XKR4: variants seen among roughly 807,000 people sequenced by gnomAD.
XKR4 encodes XK-related protein 4.
XKR4 carries 12 observed loss-of-function variants against 53.9 expected under a neutral mutation model. The observed-to-expected ratio is 0.22, with a 90% CI of 0.14 to 0.36. The LOEUF (loss-of-function observed/expected upper bound fraction) is 0.36, where lower values mean the gene tolerates loss of function less well. Among genes scored for constraint, XKR4 ranks in the 10% least tolerant of loss-of-function variants. The probability of loss-of-function intolerance (pLI) is 1.00; values close to 1 mark genes in which losing one functional copy is unlikely to be tolerated. For synonymous variants in XKR4, 354 were observed against 362.4 expected, an observed-to-expected ratio of 0.98 and a Z score of 0.26; for missense variants, 799 against 859.5, an observed-to-expected ratio of 0.93 and a Z score of 0.88.
intron 1 of XKR4, among the ~76,000 whole-genome samples, chr8:55,200,304 G>A (rs1254413953): frequency 1.3e-5 from 2 of 152,178 alleles, no homozygotes; most frequent in African/African-American, 4.8e-5. Flanking sequence ...CTGACTTCAC[G>A]TGATCCACCT....
intron 2 of XKR4, among the ~76,000 whole-genome samples, chr8:55,477,283 C>T (rs1452148149): frequency 6.6e-6 from 1 of 152,118 alleles, no homozygotes; most frequent in Non-Finnish European, 1.5e-5. Flanking sequence ...ACTGCTGATA[C>T]CCAGGCAAAC....
chr8:55,152,627 C>T (rs1243307840), intron 1 of XKR4, among the ~76,000 whole-genome samples: 2 of 151,880 alleles, frequency 1.3e-5, no homozygotes, highest in Non-Finnish European at 2.9e-5. Context: ...AGCAATGGTA[C>T]TCATCCAAAC....
chr8:55,266,261 A>G (rs989160027), intron 1 of XKR4, among the ~76,000 whole-genome samples: 9 of 151,778 alleles, frequency 5.9e-5, no homozygotes, highest in Non-Finnish European at 1.0e-4. Context: ...AGCGCAGTAC[A>G]GTGGGGCTTT....
chr8:55,331,450 G>T (rs1176394405), intron 1 of XKR4, among the ~76,000 whole-genome samples: 1 of 152,122 alleles, frequency 6.6e-6, no homozygotes, highest in Non-Finnish European at 1.5e-5. Context: ...GAGTTCAATA[G>T]ATGTATTTCA....
At chr8:55,164,621 A>G (rs1354281042) in intron 1 of XKR4, 2 of 328,828 alleles carry the variant, frequency 6.1e-6, no homozygotes. Flanking sequence ...AAGAAAGGAG[A>G]AAGGACAGCA....
rs1806927855 is a variant in XKR4 at position 55,530,135 on chromosome 8, G to A, written c.*5908G>A. Reference sequence around the variant, plus strand: ...AAAGAAAGAGGGAGGGAGAGAGGGAGGGAAGGAAGAAGGAAGGAAGGAAGG... The same window carrying A: ...AAAGAAAGAGGGAGGGAGAGAGGGAAGGAAGGAAGAAGGAAGGAAGGAAGG... On this transcript the variant is annotated 3_prime_UTR_variant, in exon 3 of 3. Coordinates refer to ENST00000327381, the MANE Select transcript of XKR4 (RefSeq NM_052898.2). 6.7e-6 allele frequency: 1 copy of A among 148,396 alleles called. No homozygotes were observed. Among genetic ancestry groups the A allele is most frequent in the Non-Finnish European group, 1.5e-5 (1 of 67,250 alleles). The allele number at this position is 148,396 out of a possible 1,614,324, so 9.2% of individuals were successfully genotyped here. A position where few individuals can be genotyped will look rare whatever the true frequency, so the allele number is the denominator to read the frequency against.
intron 2 of XKR4, among the ~76,000 whole-genome samples, chr8:55,390,996 A>C (rs1804436497): frequency 6.6e-6 from 1 of 152,236 alleles, no homozygotes. Context: ...GGAATCAAAA[A>C]CTTTTACAAC....
chr8:55,129,119 G>A (rs186760149), intron 1 of XKR4, among the ~76,000 whole-genome samples: 119 of 152,316 alleles, frequency 7.8e-4, no homozygotes, highest in African/African-American at 2.7e-3. Context: ...TTTTCATAAA[G>A]TTTTTGAGAC....
chr8:55,513,337 T>C (rs1297499432), intron 2 of XKR4, among the ~76,000 whole-genome samples: 1 of 152,212 alleles, frequency 6.6e-6, no homozygotes, highest in Admixed American at 6.5e-5. Context: ...TTCACATGCA[T>C]GGCAGACTAC....
Position 55,523,404 on chromosome 8 carries a change from G to T in XKR4, c.1130G>T (p.Cys377Phe). Residue 377 changes from cysteine to phenylalanine, a missense_variant, in exon 3 of 3, where the codon TGC becomes TTC. This residue lies in a region of XKR4 where 54 missense variants were observed against 89.7 expected (regional missense o/e 0.60). Transcript: ENST00000327381. ...TACATGGCCGTCATCATCCAGTTCT[G>T]CTGGCACTTCTTCACCATCGCCGCC... is the stretch of plus-strand genomic sequence containing the variant. Reference protein sequence around the residue: ...ISYMAVIIQFCWHFFTIAARV... With the variant: ...ISYMAVIIQFFWHFFTIAARV... 1 of 1,614,216 alleles carries T rather than the reference G, an allele frequency of 6.2e-7. No individual in the cohort carries two copies. Among genetic ancestry groups the T allele is most frequent in the Non-Finnish European group, 8.5e-7 (1 of 1,180,044 alleles).
intron 1 of XKR4, among the ~76,000 whole-genome samples, chr8:55,205,806 C>A (rs887327528): frequency 6.6e-6 from 1 of 152,124 alleles, no homozygotes; most frequent in Non-Finnish European, 1.5e-5. Context: ...TGGTTCCCTC[C>A]GGTGGGTTCT....
rs551232014 is a variant in XKR4, at chr8:55,155,430, T to G, written c.806+52136T>G. Among the ~76,000 whole-genome samples, 6 of 151,968 alleles carry G rather than the reference T, an allele frequency of 3.9e-5. 1 individual carries two copies. The South Asian group carries it at 1.2e-3, about 32-fold the overall frequency. On this transcript the variant is annotated intron_variant, in intron 1 of 2. Coordinates refer to ENST00000327381, the MANE Select transcript of XKR4 (RefSeq NM_052898.2). ...AATAACATAATATGGGAGTAGAAGATTTCAAAATAGATATACATTTTAAAA... is the reference window on the plus strand; with the variant it reads ...AATAACATAATATGGGAGTAGAAGAGTTCAAAATAGATATACATTTTAAAA...
chr8:55,346,734 G>A (rs1803651076), intron 1 of XKR4, among the ~76,000 whole-genome samples: 1 of 107,650 alleles, frequency 9.3e-6, no homozygotes, highest in Non-Finnish European at 1.9e-5. Context: ...TGTTTAGAAA[G>A]CTTTGTAGCC....
chr8:55,265,569 G>C (rs1050637904), intron 1 of XKR4, among the ~76,000 whole-genome samples: 1 of 152,166 alleles, frequency 6.6e-6, no homozygotes, highest in Admixed American at 6.5e-5. Flanking sequence ...AAGAAAGGGA[G>C]GGGGCTGGGC....
At chr8:55,427,369 A>G (rs1422967459) in intron 2 of XKR4, among the ~76,000 whole-genome samples, 1 of 152,108 alleles carries the variant, frequency 6.6e-6, no homozygotes, top group African/African-American at 2.4e-5. Flanking sequence ...ATTGAAACCA[A>G]TTCTTTAAAA....
Position 55,483,167 on chromosome 8 carries a change from A to G in XKR4, c.1007-40114A>G, listed in dbSNP as rs138053358. On this transcript the variant is annotated intron_variant, in intron 2 of 2. Transcript: ENST00000327381. ...ATAATTAGGAACCCGGATTCCAGACATTAATCTGATCAATTTTTTCAGACC... is the reference window on the plus strand; with the variant it reads ...ATAATTAGGAACCCGGATTCCAGACGTTAATCTGATCAATTTTTTCAGACC... Among the ~76,000 whole-genome samples the G allele has an allele frequency of 5.9e-3, 903 of 152,280 alleles. 9 individuals carry two copies. Among genetic ancestry groups the G allele is most frequent in the African/African-American group, 0.02 (842 of 41,562 alleles).
At chr8:55,372,435 A>G (rs1804081303) in intron 2 of XKR4, among the ~76,000 whole-genome samples, 1 of 152,244 alleles carries the variant, frequency 6.6e-6, no homozygotes, top group Non-Finnish European at 1.5e-5. Flanking sequence ...ACTAAAAATA[A>G]CCATGTGAAT....
At chr8:55,383,584 TG>T (rs1349029755) in intron 2 of XKR4, among the ~76,000 whole-genome samples, 2 of 152,224 alleles carry the variant, frequency 1.3e-5, no homozygotes, top group South Asian at 2.1e-4. Context: ...ATTTGAAATT[TG>T]CTAAAATGAT....
chr8:55,332,304 C>T (rs1803393740), intron 1 of XKR4, among the ~76,000 whole-genome samples: 1 of 152,038 alleles, frequency 6.6e-6, no homozygotes, highest in Non-Finnish European at 1.5e-5. Flanking sequence ...TATGGATCTA[C>T]CTTTTAAATC....
Sources: gnomAD v4.1 joint callset for allele counts (sites outside exome capture counted in the v4.1 genomes callset) on GRCh38, gnomAD v4.1.1 for gene constraint, gnomAD v4.1.1 regional missense constraint, MANE v1.5 for transcripts, NCBI Gene and HGNC (gene_info 2026-07-23, HGNC 2026-07-21) for gene names.